Variants in DCC observed in about 807,000 individuals in gnomAD.
DCC encodes netrin receptor DCC.
In DCC, 58 loss-of-function variants were observed where a neutral mutation model predicts 172.5. The observed-to-expected ratio is 0.34, with a 90% CI of 0.27 to 0.42. The LOEUF (loss-of-function observed/expected upper bound fraction) is 0.42, where lower values mean the gene tolerates loss of function less well. DCC is among the 10% of genes least tolerant of loss of function. The probability of loss-of-function intolerance (pLI) is 1.00; values close to 1 mark genes in which losing one functional copy is unlikely to be tolerated. For synonymous variants in DCC, 709 were observed against 644.5 expected, an observed-to-expected ratio of 1.10 and a Z score of -1.52; for missense variants, 1,740 against 1,791.0, an observed-to-expected ratio of 0.97 and a Z score of 0.51.
intron 1 of DCC, among the ~76,000 whole-genome samples, chr18:52,556,410 G>A (rs1334383601): frequency 1.3e-5 from 2 of 152,090 alleles, no homozygotes; most frequent in Admixed American, 6.6e-5. Context: ...GATAATGGTA[G>A]GTAGGTTAGA....
At chr18:52,773,265 G>T (rs1181932826) in intron 2 of DCC, among the ~76,000 whole-genome samples, 1 of 152,114 alleles carries the variant, frequency 6.6e-6, no homozygotes, top group African/African-American at 2.4e-5. Context: ...AACTCTTAAT[G>T]GTGAAGATTT....
At chr18:52,485,993 ATTTTG>A (rs1028970660) in intron 1 of DCC, among the ~76,000 whole-genome samples, 2 of 152,034 alleles carry the variant, frequency 1.3e-5, no homozygotes, top group African/African-American at 4.8e-5. Context: ...ATATTTATTT[ATTTTG>A]TTTTATTTTA....
rs149987688 is a variant in DCC, at chr18:53,345,128, T to C, written c.2359+5221T>C. Among the ~76,000 whole-genome samples the C allele has an allele frequency of 5.3e-5, 8 of 151,568 alleles. No homozygotes were observed. In the East Asian group the frequency reaches 1.4e-3, roughly 26 times the overall value. On this transcript the variant is annotated intron_variant, in intron 15 of 28. Coordinates refer to ENST00000442544, the MANE Select transcript of DCC (RefSeq NM_005215.4). ...GGACCCAAGAATCCATAATTTAATA[T>C]AATTTTTATATATTATAAACTTTTA... is the stretch of plus-strand genomic sequence containing the variant.
rs539781057 is a variant in DCC, at chr18:52,601,736, T to C, written c.92-150318T>C. Among the ~76,000 whole-genome samples the C allele has an allele frequency of 4.6e-5, 7 of 152,192 alleles. No homozygotes were observed. The East Asian group carries it at 1.3e-3, about 29-fold the overall frequency. On this transcript the variant is annotated intron_variant, in intron 1 of 28. Coordinates refer to ENST00000442544, the MANE Select transcript of DCC (RefSeq NM_005215.4). ...AGAATTATCATGATGTAAATACTAG[T>C]GTTCTTAGATCTTTTTGCATGCCTA...
chr18:53,399,041 C>T (rs905872506), intron 18 of DCC, among the ~76,000 whole-genome samples: 1 of 152,044 alleles, frequency 6.6e-6, no homozygotes, highest in Admixed American at 6.6e-5. Context: ...GATAAAGATA[C>T]GAGTGACTGG....
intron 1 of DCC, among the ~76,000 whole-genome samples, chr18:52,491,971 A>G (rs2030525455): frequency 1.3e-5 from 2 of 151,878 alleles, no homozygotes; most frequent in Admixed American, 1.3e-4. Context: ...TGAGACAAAA[A>G]ATATGTGTCC....
chr18:53,008,666 A>G (rs575678599), intron 5 of DCC, among the ~76,000 whole-genome samples: 2 of 151,976 alleles, frequency 1.3e-5, no homozygotes, highest in African/African-American at 4.8e-5. Context: ...TGCCATTATT[A>G]CTCAAAAACT....
intron 1 of DCC, among the ~76,000 whole-genome samples, chr18:52,431,661 C>T (rs1180943042): frequency 3.9e-5 from 6 of 152,114 alleles, no homozygotes; most frequent in Non-Finnish European, 7.4e-5. Context: ...AGTGAACACC[C>T]CTGCAACAAG....
At chr18:53,232,086 C>G (rs2056130258) in intron 12 of DCC, among the ~76,000 whole-genome samples, 1 of 152,110 alleles carries the variant, frequency 6.6e-6, no homozygotes, top group African/African-American at 2.4e-5. Context: ...GCTCATTTGT[C>G]ATAATTGTTT....
chr18:52,748,570 C>T (rs1013117273), intron 1 of DCC, among the ~76,000 whole-genome samples: 4 of 152,182 alleles, frequency 2.6e-5, no homozygotes, highest in African/African-American at 9.7e-5. Context: ...CTTGGGCTGG[C>T]CCGGCCCCAC....
At chr18:52,836,270 G>C (rs570080442) in intron 2 of DCC, among the ~76,000 whole-genome samples, 1 of 152,204 alleles carries the variant, frequency 6.6e-6, no homozygotes, top group African/African-American at 2.4e-5. Flanking sequence ...TCTTCCCCTG[G>C]TTCCTCTCAA....
At chr18:52,510,135 A>T (rs1030962272) in intron 1 of DCC, among the ~76,000 whole-genome samples, 3 of 148,136 alleles carry the variant, frequency 2.0e-5, no homozygotes, top group Non-Finnish European at 3.0e-5. Context: ...AAAAAAAAAA[A>T]GTCTAGTTAG....
At chr18:52,768,274 C>A (rs1391339091) in intron 2 of DCC, among the ~76,000 whole-genome samples, 1 of 152,224 alleles carries the variant, frequency 6.6e-6, no homozygotes, top group South Asian at 2.1e-4. Flanking sequence ...TTAAAAATTA[C>A]GAGTTTATCC....
intron 22 of DCC, among the ~76,000 whole-genome samples, chr18:53,446,150 G>A (rs965498670): frequency 6.7e-6 from 1 of 148,498 alleles, no homozygotes. Context: ...CAGGGATGGT[G>A]GCATGCACCT....
At chr18:52,808,603 A>G (rs2038133366) in intron 2 of DCC, among the ~76,000 whole-genome samples, 1 of 152,208 alleles carries the variant, frequency 6.6e-6, no homozygotes, top group Non-Finnish European at 1.5e-5. Flanking sequence ...TGGAAGGGAT[A>G]ATGATGGAGA....
At chr18:52,822,581 CA>C (rs1229854003) in intron 2 of DCC, among the ~76,000 whole-genome samples, 2 of 152,138 alleles carry the variant, frequency 1.3e-5, no homozygotes, top group Non-Finnish European at 2.9e-5. Flanking sequence ...TCCCCCTAAA[CA>C]AAAAGGAAAC....
chr18:52,899,921 A>G (rs771561948), intron 2 of DCC, among the ~76,000 whole-genome samples: 6 of 152,188 alleles, frequency 3.9e-5, no homozygotes, highest in South Asian at 2.1e-4. Context: ...TTCATTCAAC[A>G]TACGTTTGAT....
chr18:52,349,995 A>G (rs1213041166), intron 1 of DCC, among the ~76,000 whole-genome samples: 1 of 152,312 alleles, frequency 6.6e-6, no homozygotes, highest in East Asian at 1.9e-4. Flanking sequence ...TTGTACAGCC[A>G]TAGACAAACA....
intron 2 of DCC, among the ~76,000 whole-genome samples, chr18:52,852,375 T>C (rs1156522409): frequency 3.9e-5 from 6 of 152,184 alleles, no homozygotes; most frequent in Non-Finnish European, 8.8e-5. Flanking sequence ...TGATTGTTAT[T>C]TAACTTTCAT....
Sources: allele counts gnomAD v4.1 joint callset (sites outside exome capture counted in the v4.1 genomes callset), GRCh38; gene constraint gnomAD v4.1.1; transcripts MANE v1.5; gene names NCBI Gene and HGNC (gene_info 2026-07-23, HGNC 2026-07-21).